CSNK1E: variants seen among roughly 807,000 people sequenced by gnomAD.
CSNK1E encodes casein kinase 1 epsilon, also known as casein kinase I isoform epsilon.
In CSNK1E, 17 loss-of-function variants were observed where a neutral mutation model predicts 46.1. The observed-to-expected ratio is 0.37, with a 90% confidence interval of 0.25 to 0.55. The LOEUF (loss-of-function observed/expected upper bound fraction) is 0.55. Ranked by LOEUF, CSNK1E falls within the 20% of genes least tolerant of loss-of-function variation. CSNK1E has a pLI of 0.82. For synonymous variants in CSNK1E, 241 were observed against 242.6 expected, an observed-to-expected ratio of 0.99 and a Z score of 0.06; for missense variants, 386 against 595.4, an observed-to-expected ratio of 0.65 and a Z score of 3.66.
In CSNK1E at chr22:38,294,128, G is replaced by C. The variant is rs1396022901; in HGVS notation, c.1199C>G (p.Ser400Cys). 3.1e-6 allele frequency: 5 copies of C among 1,610,552 alleles called. No homozygotes were observed. The African/African-American group carries it at 6.7e-5, about 21-fold the overall frequency. ...SSDLTGRQEV[S>C]RIPASQTSVP... is the part of the protein sequence containing the mutation. ...GCTCACCTGTGAGGCTGGGATCCGG[G>C]AGACCTCTTGCCGCCCAGTGAGGTC... The change falls in exon 9 of 11, where the codon TCC becomes TGC. Residue 400 changes from serine to cysteine, a missense_variant. Coordinates refer to ENST00000396832, the MANE Select transcript of CSNK1E (RefSeq NM_152221.3). The surrounding 1 kb of genome is among the most constrained non-coding windows in gnomAD (Gnocchi z 5.5).
At position 38,298,230 on chromosome 22, in the gene CSNK1E, A is replaced by T; in HGVS notation, c.885+556T>A. 7.7e-7 allele frequency: 1 copy of T among 1,300,698 alleles called. No homozygotes were observed. Among genetic ancestry groups the T allele is most frequent in the South Asian group, 1.2e-5 (1 of 80,932 alleles). The allele number at this position is 1,300,698 out of a possible 1,614,324, so 80.6% of individuals were successfully genotyped here. ...TTTTCCAGAAGAGATGTGAAACAAG[A>T]CATACAATTTCACAGATTCCAGAGC... On this transcript the variant is annotated intron_variant, in intron 7 of 10. Coordinates refer to ENST00000396832, the MANE Select transcript of CSNK1E (RefSeq NM_152221.3). The surrounding 1 kb of genome is among the most constrained non-coding windows in gnomAD (Gnocchi z 4.2).
intron 2 of CSNK1E, among the ~76,000 whole-genome samples, chr22:38,311,890 C>T (rs1199610146): frequency 6.6e-6 from 1 of 151,652 alleles, no homozygotes; most frequent in East Asian, 1.9e-4. Flanking sequence ...CTGCAACCTC[C>T]ACCTCCCAGA....
intron 4 of CSNK1E, 99 bp from the exon 5 acceptor site, chr22:38,301,051 G>A: frequency 1.0e-6 from 1 of 979,332 alleles, no homozygotes; most frequent in Non-Finnish European, 1.6e-6. Flanking sequence ...GGCAGAGGGA[G>A]AAAGGCCTGC....
intron 7 of CSNK1E, among the ~76,000 whole-genome samples, chr22:38,295,178 T>C (rs1240516961): frequency 2.6e-5 from 4 of 152,104 alleles, no homozygotes; most frequent in Admixed American, 6.5e-5. Flanking sequence ...ACCGCCTGCC[T>C]TGGGACAGAA....
At chr22:38,317,690 G>A (rs1466717064), upstream of CSNK1E, among the ~76,000 whole-genome samples, 2 of 151,930 alleles carry the variant, frequency 1.3e-5, no homozygotes, top group African/African-American at 4.8e-5. Context: ...GGGACAGAGG[G>A]AAGAGGAGGG....
intron 7 of CSNK1E, chr22:38,296,187 G>A (rs1164788256): frequency 8.9e-6 from 9 of 1,016,136 alleles, no homozygotes; most frequent in African/African-American, 1.7e-5. Context: ...CCCATAGGAC[G>A]CAAGAAACAC....
intron 6 of CSNK1E, among the ~76,000 whole-genome samples, chr22:38,299,549 T>A (rs1355294415): frequency 6.6e-6 from 1 of 152,176 alleles, no homozygotes; most frequent in Non-Finnish European, 1.5e-5. Context: ...TTTGAGATGA[T>A]GTCTCGCTCT....
In CSNK1E at chr22:38,298,932, C is replaced by T. The variant is rs1555907629; in HGVS notation, c.739G>A (p.Glu247Lys). The T allele has an allele frequency of 1.2e-6, 2 of 1,613,866 alleles. No individual in the cohort carries two copies. The highest frequency in any genetic ancestry group is 1.1e-5 in the South Asian group (1 of 91,072). ...CAGAAGTTGAGGTATGTTGAGAATT[C>T]GGCTGGAGGGTGTTGCAGAGGATAG... ...IEVLCKGYPS[E>K]FSTYLNFCRS... The change falls in exon 7 of 11, where the codon GAA (glutamate) becomes AAA (lysine). Residue 247 changes from glutamate (E) to lysine (K), a missense_variant and splice_region_variant. Glu to Lys is a moderately conservative substitution (Grantham distance 56, BLOSUM62 1). Coordinates refer to ENST00000396832, the MANE Select transcript of CSNK1E (RefSeq NM_152221.3). This position sits in a 1 kb window ranked among gnomAD's most constrained non-coding sequence, Gnocchi z 4.2.
intron 1 of CSNK1E, among the ~76,000 whole-genome samples, chr22:38,316,081 C>T (rs551324288): frequency 9.2e-5 from 14 of 151,536 alleles, no homozygotes; most frequent in Non-Finnish European, 1.5e-4. Context: ...CTTTTCAGTT[C>T]TTTTGCTGCT....
intron 7 of CSNK1E, chr22:38,296,632 G>A: frequency 6.2e-7 from 1 of 1,612,882 alleles, no homozygotes; most frequent in Non-Finnish European, 8.5e-7. Context: ...GCCTCAAGAG[G>A]GACTTCCAGG....
intron 1 of CSNK1E, among the ~76,000 whole-genome samples, chr22:38,314,664 A>G (rs2092735834): frequency 6.6e-6 from 1 of 152,166 alleles, no homozygotes. Flanking sequence ...CTACGTCATG[A>G]CACCAAGACC....
At position 38,315,998 on chromosome 22, in the gene CSNK1E, A is replaced by G. The variant is rs111960353; in HGVS notation, c.-13+1162T>C. Among the ~76,000 whole-genome samples the G allele has an allele frequency of 1.4e-3, 209 of 152,166 alleles. 5 individuals carry two copies. Among genetic ancestry groups the G allele is most frequent in the African/African-American group, 4.8e-3 (201 of 41,496 alleles). Reference sequence around the variant, plus strand: ...GGGTCCAAGGTCCCTGGGGGAGCCTAGACTGTCCCGGCACCAATACCCAAA... The same window carrying G: ...GGGTCCAAGGTCCCTGGGGGAGCCTGGACTGTCCCGGCACCAATACCCAAA... On this transcript the variant is annotated intron_variant, in intron 1 of 10. Transcript: ENST00000396832.
chr22:38,298,164 TGGGGCTGTCAC>T lies in CSNK1E; in HGVS notation c.885+611_885+621del, dbSNP rs1272158597. 6.1e-6 allele frequency: 8 copies of T among 1,302,776 alleles called. No individual in the cohort carries two copies. The highest frequency in any genetic ancestry group is 1.2e-5 in the South Asian group (1 of 80,840). The allele number at this position is 1,302,776 out of a possible 1,614,324, so 80.7% of individuals were successfully genotyped here. ...GGACAGAAAGGTCCCTTCGCTGTCA[TGGGGCTGTCAC>T]GGGGCTGAGCCTGGCTCGAGGAAGC... On this transcript the variant is annotated intron_variant, in intron 7 of 10. Coordinates refer to ENST00000396832, the MANE Select transcript of CSNK1E (RefSeq NM_152221.3). This position sits in a 1 kb window ranked among gnomAD's most constrained non-coding sequence, Gnocchi z 4.2.
chr22:38,311,680 T>C (rs935244619), intron 2 of CSNK1E, among the ~76,000 whole-genome samples: 1 of 152,134 alleles, frequency 6.6e-6, no homozygotes, highest in Non-Finnish European at 1.5e-5. Flanking sequence ...CTGGGTACAC[T>C]CATTTCAGAT....
chr22:38,296,337 CG>C, intron 7 of CSNK1E: 1 of 1,351,162 alleles, frequency 7.4e-7, no homozygotes, highest in Non-Finnish European at 9.5e-7. Flanking sequence ...GACTGGACCT[CG>C]GAACACAGTG....
rs187690514 is a variant in CSNK1E at position 38,307,263 on chromosome 22, T to C, written c.77-4015A>G. Among the ~76,000 whole-genome samples the C allele has an allele frequency of 3.6e-3, 545 of 152,184 alleles. 1 individual carries two copies. Among genetic ancestry groups the C allele is most frequent in the Non-Finnish European group, 6.3e-3 (429 of 68,000 alleles). ...ATTGTATTAGGTATTATAAGTGATC[T>C]AGAGATGATTTAAAGTATATGGAGA... On this transcript the variant is annotated intron_variant, in intron 2 of 10. Transcript: ENST00000396832.
intron 2 of CSNK1E, 41 bp downstream of exon 2, chr22:38,314,041 G>C: frequency 2.6e-6 from 4 of 1,559,216 alleles, no homozygotes; most frequent in South Asian, 2.2e-5. Context: ...TGGTCCCATG[G>C]GCTGGCCCCA....
intron 2 of CSNK1E, among the ~76,000 whole-genome samples, chr22:38,311,115 T>G (rs2092718947): frequency 6.6e-6 from 1 of 152,130 alleles, no homozygotes; most frequent in Non-Finnish European, 1.5e-5. Flanking sequence ...AACTCCGAAC[T>G]AGAAACTAAG....
rs1210291809 is a variant in CSNK1E, at chr22:38,300,009, G to C, written c.622C>G (p.Leu208Val). The C allele has an allele frequency of 6.2e-6, 10 of 1,614,188 alleles. No individual in the cohort carries two copies. Among genetic ancestry groups the C allele is most frequent in the Non-Finnish European group, 8.5e-6 (10 of 1,180,044 alleles). The change falls in exon 6 of 11, where the codon CTG becomes GTG. Residue 208 changes from leucine to valine, a missense_variant. By Grantham distance (32) the Leu-to-Val change is conservative (BLOSUM62 1). This residue lies in a region of CSNK1E where 212 missense variants were observed against 410.2 expected (regional missense o/e 0.52). Coordinates refer to ENST00000396832, the MANE Select transcript of CSNK1E (RefSeq NM_152221.3). The surrounding 1 kb of genome is among the most constrained non-coding windows in gnomAD (Gnocchi z 4.4). ...AGCCCCTGCCAGGGCAGGGAGCCCAGGTTGAAGTACATGAGCACGTAGCCC... is the reference window on the plus strand; with the variant it reads ...AGCCCCTGCCAGGGCAGGGAGCCCACGTTGAAGTACATGAGCACGTAGCCC... ...SLGYVLMYFN[L>V]GSLPWQGLKA...
Sources: allele counts gnomAD v4.1 joint callset (sites outside exome capture counted in the v4.1 genomes callset), GRCh38; gene constraint gnomAD v4.1.1; regional missense constraint gnomAD v4.1.1; non-coding constraint Gnocchi (gnomAD v3.1); transcripts MANE v1.5; gene names NCBI Gene and HGNC (gene_info 2026-07-23, HGNC 2026-07-21).